Variants in TSHZ2 observed in about 807,000 individuals in gnomAD.
TSHZ2 encodes teashirt homolog 2.
A neutral mutation model predicts 74.4 loss-of-function variants in TSHZ2; 21 were observed. The ratio of observed to expected loss-of-function variants is 0.28; its 90% CI spans 0.20 to 0.41. TSHZ2 has a LOEUF of 0.41. Among genes scored for constraint, TSHZ2 ranks in the 10% least tolerant of loss-of-function variants. TSHZ2 has a pLI of 1.00. For missense variants in TSHZ2, 1,244 were observed against 1,293.5 expected (o/e 0.96, Z 0.59); for synonymous variants, 540 against 515.3 (o/e 1.05, Z -0.65).
intron 1 of TSHZ2, among the ~76,000 whole-genome samples, chr20:53,103,901 AG>A (rs1363827171): frequency 6.6e-6 from 1 of 152,230 alleles, no homozygotes; most frequent in Admixed American, 6.5e-5. Context: ...TACCAGTTAT[AG>A]AAGTGGAGAA....
At chr20:53,311,717 A>G (rs1326328106) in intron 2 of TSHZ2, among the ~76,000 whole-genome samples, 1 of 152,206 alleles carries the variant, frequency 6.6e-6, no homozygotes. Context: ...TTCCACTCTC[A>G]TGAGCACTGT....
At position 53,074,062 on chromosome 20, in the gene TSHZ2, C is replaced by T. The variant is rs533652137; in HGVS notation, c.40+100729C>T. On this transcript the variant is annotated intron_variant, in intron 1 of 2. Transcript: ENST00000371497. The surrounding 1 kb of genome is among the most constrained non-coding windows in gnomAD (Gnocchi z 5.9). The stretch of plus-strand genomic sequence containing the variant: ...TGAAAAGAAACTAAAAAACTGACTT[C>T]GCAATTCTAGCATTGTAAAAGACAT... Among the ~76,000 whole-genome samples the T allele has an allele frequency of 1.2e-4, 18 of 152,320 alleles. No individual in the cohort carries two copies. The highest frequency in any genetic ancestry group is 4.1e-4 in the South Asian group (2 of 4,820).
At chr20:53,420,069 A>G (rs1393715044) in intron 2 of TSHZ2, among the ~76,000 whole-genome samples, 1 of 152,252 alleles carries the variant, frequency 6.6e-6, no homozygotes, top group African/African-American at 2.4e-5. Context: ...GCACTGCTCT[A>G]TACAGAAGTC....
chr20:52,982,933 A>G (rs1981622615), intron 1 of TSHZ2, among the ~76,000 whole-genome samples: 1 of 152,200 alleles, frequency 6.6e-6, no homozygotes, highest in African/African-American at 2.4e-5. Flanking sequence ...CTGATTGGTT[A>G]TTAGTTGAAC....
intron 2 of TSHZ2, among the ~76,000 whole-genome samples, chr20:53,469,915 AAGGAAGGCAGGC>A (rs1178832717): frequency 6.7e-5 from 10 of 150,114 alleles, no homozygotes; most frequent in East Asian, 3.9e-4. Context: ...GGAAGGAAGG[AAGGAAGGCAGGC>A]AGGCAGGCAG....
intron 1 of TSHZ2, among the ~76,000 whole-genome samples, chr20:53,134,531 G>T (rs1489492457): frequency 6.6e-6 from 1 of 152,060 alleles, no homozygotes; most frequent in Non-Finnish European, 1.5e-5. Context: ...ATTTGGAAAG[G>T]GGGGAGTTTG....
intron 1 of TSHZ2, among the ~76,000 whole-genome samples, chr20:53,081,748 T>A (rs1326397899): frequency 6.6e-6 from 1 of 152,226 alleles, no homozygotes; most frequent in Non-Finnish European, 1.5e-5. Flanking sequence ...TATATGTTAC[T>A]GACAGGAGCT....
At chr20:53,220,911 T>C (rs754558251) in intron 1 of TSHZ2, among the ~76,000 whole-genome samples, 52 of 152,358 alleles carry the variant, frequency 3.4e-4, no homozygotes, top group Non-Finnish European at 6.0e-4. Context: ...GAGATTGCCA[T>C]CTGGCAGGAA....
At chr20:53,149,387 T>C (rs1161719479) in intron 1 of TSHZ2, among the ~76,000 whole-genome samples, 2 of 152,100 alleles carry the variant, frequency 1.3e-5, no homozygotes, top group African/African-American at 4.8e-5. Flanking sequence ...CAAAGAAAGC[T>C]GTGTGTAATG....
intron 2 of TSHZ2, among the ~76,000 whole-genome samples, chr20:53,457,237 G>A (rs1458165830): frequency 6.9e-6 from 1 of 145,848 alleles, no homozygotes; most frequent in Non-Finnish European, 1.5e-5. Flanking sequence ...ATTTCTTTGA[G>A]CAGCAGTTTG....
At chr20:53,131,583 G>A (rs952708080) in intron 1 of TSHZ2, among the ~76,000 whole-genome samples, 3 of 152,312 alleles carry the variant, frequency 2.0e-5, no homozygotes, top group East Asian at 1.9e-4. Flanking sequence ...CGCCTCCTGC[G>A]TGTTGGTGCT....
intron 1 of TSHZ2, among the ~76,000 whole-genome samples, chr20:53,205,933 C>T (rs1339470805): frequency 6.6e-6 from 1 of 152,156 alleles, no homozygotes; most frequent in East Asian, 1.9e-4. Flanking sequence ...AAAATAAAGA[C>T]ATATGGGCCG....
chr20:53,196,398 T>C lies in TSHZ2; in HGVS notation c.41-57101T>C, dbSNP rs930623081. ...AAAAAAAAAAAAAAAAAAAATGTGC[T>C]TTCAACAAATTAGAATACGCCACCT... is the stretch of plus-strand genomic sequence containing the variant. On this transcript the variant is annotated intron_variant, in intron 1 of 2. Coordinates refer to ENST00000371497, the MANE Select transcript of TSHZ2 (RefSeq NM_173485.6). 17 of 137,242 alleles carry C rather than the reference T, an allele frequency of 1.2e-4. 1 individual carries two copies. Among genetic ancestry groups the C allele is most frequent in the Admixed American group, 7.8e-4 (11 of 14,124 alleles). 8.5% of individuals were successfully genotyped at this position (137,242 alleles called of 1,614,324 possible). A position where few individuals can be genotyped will look rare whatever the true frequency, so the allele number is the denominator to read the frequency against.
chr20:53,230,756 G>T (rs1430013548), intron 1 of TSHZ2, among the ~76,000 whole-genome samples: 4 of 151,970 alleles, frequency 2.6e-5, no homozygotes, highest in African/African-American at 9.7e-5. Context: ...GCTGGGCGTG[G>T]TGGTGGCCAC....
At chr20:53,324,300 G>A (rs1979405869) in intron 2 of TSHZ2, among the ~76,000 whole-genome samples, 1 of 152,204 alleles carries the variant, frequency 6.6e-6, no homozygotes, top group South Asian at 2.1e-4. Flanking sequence ...CAGCAGGCGG[G>A]TCCAGTGTAG....
In TSHZ2 at chr20:53,141,689, G is replaced by T. The variant is rs1416311993; in HGVS notation, c.41-111810G>T. On this transcript the variant is annotated intron_variant, in intron 1 of 2. Coordinates refer to ENST00000371497, the MANE Select transcript of TSHZ2 (RefSeq NM_173485.6). ...TTGTCACCTTTCCTGCACCTATCCG[G>T]GCCCTCCCTGGTGGAGTGTGTCTAC... 2.7e-4 allele frequency among the ~76,000 whole-genome samples: 41 copies of T among 152,300 alleles called. 1 individual carries two copies. Among genetic ancestry groups the T allele is most frequent in the Admixed American group, 2.7e-3 (41 of 15,298 alleles).
At chr20:53,267,919 A>G (rs961010062) in intron 2 of TSHZ2, among the ~76,000 whole-genome samples, 2 of 152,158 alleles carry the variant, frequency 1.3e-5, no homozygotes, top group Non-Finnish European at 2.9e-5. Flanking sequence ...TAAGAGCTCT[A>G]GTGATTGTCC....
At chr20:53,024,497 A>AT (rs534943326) in intron 1 of TSHZ2, among the ~76,000 whole-genome samples, 3 of 151,770 alleles carry the variant, frequency 2.0e-5, no homozygotes, top group Non-Finnish European at 2.9e-5. Flanking sequence ...GCTCTTGCAG[A>AT]TTTTTTTTAT....
In TSHZ2 at chr20:53,040,343, A is replaced by C. The variant is rs552378726; in HGVS notation, c.40+67010A>C. On this transcript the variant is annotated intron_variant, in intron 1 of 2. Transcript: ENST00000371497. ...CATGGCACCTGTGTGGCTGGTGTGG[A>C]GGGAGGAGGGCTAAATCAGAGGGCA... 4.8e-3 allele frequency among the ~76,000 whole-genome samples: 728 copies of C among 152,184 alleles called. 6 individuals are homozygous for C. The highest frequency in any genetic ancestry group is 0.017 in the African/African-American group (693 of 41,506).
Sources: gnomAD v4.1 joint callset for allele counts (sites outside exome capture counted in the v4.1 genomes callset) on GRCh38, gnomAD v4.1.1 for gene constraint, Gnocchi (gnomAD v3.1) non-coding constraint, MANE v1.5 for transcripts, NCBI Gene and HGNC (gene_info 2026-07-23, HGNC 2026-07-21) for gene names.